FAXC: variants seen among roughly 807,000 people sequenced by gnomAD.
FAXC encodes failed axon connections homolog.
A neutral mutation model predicts 41.9 loss-of-function variants in FAXC; 10 were observed. That is an observed-to-expected ratio of 0.24 (90% CI 0.15 to 0.41). The LOEUF is 0.41. Among genes scored for constraint, FAXC ranks in the 10% least tolerant of loss-of-function variants. The probability of loss-of-function intolerance (pLI) is 1.00; values close to 1 mark genes in which losing one functional copy is unlikely to be tolerated. For missense variants in FAXC, 399 were observed against 510.9 expected, an observed-to-expected ratio of 0.78 and a Z score of 2.11; for synonymous variants, 183 against 183.8, an observed-to-expected ratio of 1.00 and a Z score of 0.03.
At chr6:99,346,534 G>A (rs112013402) in intron 1 of FAXC, among the ~76,000 whole-genome samples, 9,254 of 151,730 alleles carry the variant, frequency 0.061, 943 homozygotes, top group African/African-American at 0.21. Flanking sequence ...GACTACAGGC[G>A]CGTGCCACCA....
At chr6:99,287,914 C>G (rs1290487716) in intron 5 of FAXC, among the ~76,000 whole-genome samples, 3 of 152,152 alleles carry the variant, frequency 2.0e-5, no homozygotes, top group Non-Finnish European at 4.4e-5. Context: ...TCCCTGTGGA[C>G]TTTAATAATT....
At chr6:99,342,038 G>A (rs1773445552) in intron 2 of FAXC, among the ~76,000 whole-genome samples, 3 of 152,204 alleles carry the variant, frequency 2.0e-5, no homozygotes, top group Non-Finnish European at 4.4e-5. Flanking sequence ...GTGAGACACA[G>A]CTCAAGCATT....
intron 4 of FAXC, among the ~76,000 whole-genome samples, chr6:99,301,741 T>G (rs1033654941): frequency 6.6e-5 from 10 of 152,188 alleles, no homozygotes; most frequent in African/African-American, 2.2e-4. Context: ...ATGTAAAACC[T>G]TTTATCTAAA....
chr6:99,307,933 A>G (rs221531), intron 4 of FAXC, among the ~76,000 whole-genome samples: 114,709 of 151,652 alleles, frequency 0.76, 43,654 homozygotes, highest in Middle Eastern at 0.88. Context: ...AATGACATTT[A>G]AAAAAAAAAC....
Position 99,273,199 on chromosome 6 carries a change from G to A in FAXC, c.*7965C>T, listed in dbSNP as rs1439401321. ...ATTGCAAAACAGAGGGTGCAGGTAAGTGTTTCCAGGTGGTGTCCGCCCATT... is the reference window on the plus strand; with the variant it reads ...ATTGCAAAACAGAGGGTGCAGGTAAATGTTTCCAGGTGGTGTCCGCCCATT... On this transcript the variant is annotated 3_prime_UTR_variant, in exon 6 of 6. Transcript: ENST00000389677. The A allele has an allele frequency of 7.2e-5, 11 of 152,136 alleles. No homozygotes were observed. Among genetic ancestry groups the A allele is most frequent in the Non-Finnish European group, 1.6e-4 (11 of 68,032 alleles). 9.4% of individuals were successfully genotyped at this position (152,136 alleles called of 1,614,324 possible). A position where few individuals can be genotyped will look rare whatever the true frequency, so the allele number is the denominator to read the frequency against.
At chr6:99,305,000 A>T (rs1771860496) in intron 4 of FAXC, among the ~76,000 whole-genome samples, 1 of 152,248 alleles carries the variant, frequency 6.6e-6, no homozygotes. Context: ...AGCAGGGGAA[A>T]TAGCCTGTGT....
At chr6:99,284,474 G>C (rs1770942283) in intron 5 of FAXC, among the ~76,000 whole-genome samples, 2 of 151,996 alleles carry the variant, frequency 1.3e-5, no homozygotes, top group African/African-American at 4.8e-5. Flanking sequence ...TCTGTGGCTA[G>C]ATTCACCATC....
chr6:99,328,327 A>C (rs1185403128), intron 3 of FAXC, among the ~76,000 whole-genome samples: 1 of 152,208 alleles, frequency 6.6e-6, no homozygotes, highest in Non-Finnish European at 1.5e-5. Context: ...AAATGGGATG[A>C]GTGCCCTTAT....
chr6:99,284,953 A>G (rs1169615467), intron 5 of FAXC, among the ~76,000 whole-genome samples: 1 of 151,916 alleles, frequency 6.6e-6, no homozygotes, highest in African/African-American at 2.4e-5. Context: ...ATAAGTTTGC[A>G]AAATAATAGA....
At chr6:99,307,464 G>A (rs746068838) in intron 4 of FAXC, among the ~76,000 whole-genome samples, 8 of 152,180 alleles carry the variant, frequency 5.3e-5, no homozygotes, top group African/African-American at 7.2e-5. Context: ...GGGATACTAC[G>A]GAGAGAGTGG....
In FAXC at chr6:99,349,301, G is replaced by A; in HGVS notation, c.72C>T (p.Ser24=). The change falls in exon 1 of 6, where the codon TCC becomes TCT. Residue 24 remains serine (S), a synonymous_variant. Transcript: ENST00000389677. ...CGGACCCGGCCCACCAGCCGAAGAA[G>A]GAGATGCTCTGGTTCCAGCTCAGAT... is the stretch of plus-strand genomic sequence containing the variant. The part of the protein sequence containing the change: ...VVDLSWNQSI[S]FFGWWAGSEE... 1 of 1,613,422 alleles carries A rather than the reference G, an allele frequency of 6.2e-7. No individual in the cohort carries two copies.
At chr6:99,284,545 G>GTT in intron 5 of FAXC, among the ~76,000 whole-genome samples, 1 of 144,858 alleles carries the variant, frequency 6.9e-6, no homozygotes, top group Non-Finnish European at 1.5e-5. Flanking sequence ...GCAGAAACAG[G>GTT]TTGTGTGGAG....
intron 1 of FAXC, among the ~76,000 whole-genome samples, chr6:99,346,255 T>A (rs1225647850): frequency 1.3e-5 from 2 of 152,224 alleles, no homozygotes; most frequent in Non-Finnish European, 2.9e-5. Context: ...CCTGGTTTTT[T>A]TCCCTTTGCC....
intron 4 of FAXC, among the ~76,000 whole-genome samples, chr6:99,293,798 T>C (rs1343165985): frequency 1.3e-5 from 2 of 151,916 alleles, no homozygotes; most frequent in African/African-American, 4.8e-5. Flanking sequence ...CTTGCTTTTA[T>C]TTAGCAAACC....
intron 2 of FAXC, among the ~76,000 whole-genome samples, chr6:99,337,472 G>GA (rs1773255444): frequency 6.6e-6 from 1 of 152,126 alleles, no homozygotes; most frequent in African/African-American, 2.4e-5. Flanking sequence ...ATGTAAGGAA[G>GA]AAAAGCCAAA....
At chr6:99,340,263 G>C in intron 2 of FAXC, among the ~76,000 whole-genome samples, 1 of 151,768 alleles carries the variant, frequency 6.6e-6, no homozygotes, top group Non-Finnish European at 1.5e-5. Context: ...CTACCGCCCA[G>C]CTAATTTTTG....
At chr6:99,315,232 T>TAAAAAAAAAAAAAAAA (rs1174982279) in intron 4 of FAXC, among the ~76,000 whole-genome samples, 1 of 40,480 alleles carries the variant, frequency 2.5e-5, no homozygotes, top group African/African-American at 1.4e-4. Context: ...CACTCCATCT[T>TAAAAAAAAAAAAAAAA]AAAAAAAAAA....
intron 5 of FAXC, among the ~76,000 whole-genome samples, chr6:99,284,989 T>G (rs1770975153): frequency 6.7e-6 from 1 of 149,284 alleles, no homozygotes; most frequent in Admixed American, 6.7e-5. Context: ...CAAAGTGTAC[T>G]CAACAATCGG....
chr6:99,337,672 T>C (rs1773262370), intron 2 of FAXC, among the ~76,000 whole-genome samples: 1 of 152,222 alleles, frequency 6.6e-6, no homozygotes, highest in South Asian at 2.1e-4. Context: ...TCCCTGTACA[T>C]TGTTTGCAAT....
Sources: gnomAD v4.1 joint callset for allele counts (sites outside exome capture counted in the v4.1 genomes callset) on GRCh38, gnomAD v4.1.1 for gene constraint, MANE v1.5 for transcripts, NCBI Gene and HGNC (gene_info 2026-07-23, HGNC 2026-07-21) for gene names.